MBNL2: variants seen among roughly 807,000 people sequenced by gnomAD.
MBNL2 encodes muscleblind-like protein 2.
Under a neutral mutation model 41.9 loss-of-function variants are expected in MBNL2, and 17 were observed. The observed-to-expected ratio is 0.41, with a 90% confidence interval of 0.28 to 0.61. The LOEUF (loss-of-function observed/expected upper bound fraction) is 0.61. Among genes scored for constraint, MBNL2 ranks in the 20% least tolerant of loss-of-function variants. MBNL2 has a pLI of 0.35. For synonymous variants in MBNL2, 195 were observed against 182.9 expected (o/e 1.07, Z -0.53); for missense variants, 336 against 505.6 (o/e 0.66, Z 3.22).
At chr13:97,188,889 A>G in the MBNL2 span, among the ~76,000 whole-genome samples, 2 of 152,068 alleles carry the variant, frequency 1.3e-5, no homozygotes, top group African/African-American at 4.8e-5. Context: ...AAAATTCCTG[A>G]AAGATCCATG....
chr13:97,374,529 G>A (rs1252658585), intron 8 of MBNL2, among the ~76,000 whole-genome samples: 2 of 151,378 alleles, frequency 1.3e-5, no homozygotes, highest in African/African-American at 4.9e-5. Flanking sequence ...GAGTAGCTGG[G>A]ATTATAGTCG....
intron 3 of MBNL2, among the ~76,000 whole-genome samples, chr13:97,338,883 C>T (rs1038845109): frequency 6.6e-6 from 1 of 152,178 alleles, no homozygotes; most frequent in Non-Finnish European, 1.5e-5. Context: ...GGGACGACGG[C>T]ATTCTCGCCT....
the MBNL2 span, among the ~76,000 whole-genome samples, chr13:97,172,288 G>A: frequency 1.3e-5 from 2 of 152,134 alleles, no homozygotes; most frequent in Non-Finnish European, 1.5e-5. Flanking sequence ...CTAGCCCTGG[G>A]CACATTCCTA....
intron 2 of MBNL2, among the ~76,000 whole-genome samples, chr13:97,302,913 C>T (rs911644738): frequency 6.6e-6 from 1 of 152,154 alleles, no homozygotes; most frequent in African/African-American, 2.4e-5. Context: ...GCCACCAATC[C>T]CTACAATCAT....
the MBNL2 span, among the ~76,000 whole-genome samples, chr13:97,170,594 T>C: frequency 6.6e-6 from 1 of 152,082 alleles, no homozygotes; most frequent in Non-Finnish European, 1.5e-5. Context: ...GGTGAAATCA[T>C]AGGAGCTGAA....
the MBNL2 span, among the ~76,000 whole-genome samples, chr13:97,181,222 T>A: frequency 2.0e-5 from 3 of 152,112 alleles, no homozygotes; most frequent in Non-Finnish European, 4.4e-5. Context: ...AATCTCCCCA[T>A]CTGAAGACCC....
chr13:97,203,870 GTGAA>G, the MBNL2 span, among the ~76,000 whole-genome samples: 1 of 134,972 alleles, frequency 7.4e-6, no homozygotes, highest in Non-Finnish European at 1.6e-5. Flanking sequence ...TGAATGATAA[GTGAA>G]TGGATGGATG....
Position 97,276,337 on chromosome 13 carries a change from C to T in MBNL2, c.102C>T (p.Cys34=). The part of the protein sequence containing the change: ...RGTCSRSDEE[C]KFAHPPKSCQ... ...CATGCTCACGCTCTGATGAAGAATG[C>T]AAATTTGCTCATCCCCCCAAAAGTT... Residue 34 remains cysteine, a synonymous_variant, in exon 2 of 9, where the codon TGC becomes TGT. Coordinates refer to ENST00000679496, the MANE Select transcript of MBNL2 (RefSeq NM_001382683.1). The T allele has an allele frequency of 6.2e-7, 1 of 1,613,920 alleles. No individual in the cohort carries two copies. The highest frequency in any genetic ancestry group is 8.5e-7 in the Non-Finnish European group (1 of 1,179,846).
the MBNL2 span, among the ~76,000 whole-genome samples, chr13:97,192,152 A>G: frequency 1.3e-5 from 2 of 152,236 alleles, no homozygotes; most frequent in Admixed American, 6.5e-5. Context: ...ATGAGAGAAT[A>G]ACATCTTCAG....
the MBNL2 span, among the ~76,000 whole-genome samples, chr13:97,188,323 C>G: frequency 9.9e-5 from 15 of 152,168 alleles, no homozygotes; most frequent in Non-Finnish European, 2.1e-4. Context: ...CATACGGGCA[C>G]TCCCAGACAA....
rs943386995 is a variant in MBNL2, at chr13:97,268,869, A to T, written c.-604-6763A>T. ...TTCTTGTGAATTAAGGAATAATGATACCTATTTAAAAATAATGACCAGGCA... is the reference window on the plus strand; with the variant it reads ...TTCTTGTGAATTAAGGAATAATGATTCCTATTTAAAAATAATGACCAGGCA... On this transcript the variant is annotated intron_variant, in intron 1 of 8. Coordinates refer to ENST00000679496, the MANE Select transcript of MBNL2 (RefSeq NM_001382683.1). The surrounding 1 kb of genome is among the most constrained non-coding windows in gnomAD (Gnocchi z 4.6). 7.2e-5 allele frequency among the ~76,000 whole-genome samples: 11 copies of T among 152,220 alleles called. No homozygotes were observed. Among genetic ancestry groups the T allele is most frequent in the African/African-American group, 2.7e-4 (11 of 41,460 alleles).
chr13:97,217,071 ATG>A (rs1370048733), upstream of MBNL2, among the ~76,000 whole-genome samples: 1 of 121,184 alleles, frequency 8.3e-6, no homozygotes. Context: ...ATATACACAT[ATG>A]TGTTGTATAT....
the MBNL2 span, among the ~76,000 whole-genome samples, chr13:97,209,979 A>G: frequency 1.1e-4 from 16 of 152,274 alleles, no homozygotes; most frequent in East Asian, 2.9e-3. Flanking sequence ...TGCTTTTAGT[A>G]GAGACGGGGT....
the MBNL2 span, among the ~76,000 whole-genome samples, chr13:97,205,263 T>C: frequency 1.3e-5 from 2 of 149,284 alleles, no homozygotes; most frequent in Admixed American, 6.7e-5. Context: ...TGGTGACACA[T>C]GCCTGTAATC....
chr13:97,205,404 TA>T, the MBNL2 span, among the ~76,000 whole-genome samples: 1 of 150,984 alleles, frequency 6.6e-6, no homozygotes. Context: ...AAATAAAAAA[TA>T]AAAAAAAGAT....
intron 8 of MBNL2, among the ~76,000 whole-genome samples, chr13:97,385,422 A>G (rs1594299723): frequency 6.6e-6 from 1 of 152,242 alleles, no homozygotes; most frequent in Non-Finnish European, 1.5e-5. Flanking sequence ...TTACAAAGAC[A>G]GTCCTAATGG....
chr13:97,356,094 C>T (rs574883727), intron 5 of MBNL2, among the ~76,000 whole-genome samples: 1 of 152,156 alleles, frequency 6.6e-6, no homozygotes, highest in Non-Finnish European at 1.5e-5. Context: ...AAATTCAAGG[C>T]ACTAAATTTG....
At chr13:97,145,363 G>T in the MBNL2 span, among the ~76,000 whole-genome samples, 1 of 152,144 alleles carries the variant, frequency 6.6e-6, no homozygotes, top group Middle Eastern at 3.2e-3. Context: ...GAAAGAATTG[G>T]TAATGAAAGA....
At chr13:97,160,105 CT>C in the MBNL2 span, among the ~76,000 whole-genome samples, 1 of 152,120 alleles carries the variant, frequency 6.6e-6, no homozygotes, top group Admixed American at 6.5e-5. Context: ...TCTTTTTATT[CT>C]TTGAAAAAAG....
Sources: gnomAD v4.1 joint callset for allele counts (sites outside exome capture counted in the v4.1 genomes callset) on GRCh38, gnomAD v4.1.1 for gene constraint, Gnocchi (gnomAD v3.1) non-coding constraint, MANE v1.5 for transcripts, NCBI Gene and HGNC (gene_info 2026-07-23, HGNC 2026-07-21) for gene names.